KIAA0825: variants seen among roughly 807,000 people sequenced by gnomAD.
KIAA0825 encodes the protein KIAA0825.
In KIAA0825, 119 loss-of-function variants were observed where a neutral mutation model predicts 147.6. The observed-to-expected ratio is 0.81, with a 90% confidence interval of 0.69 to 0.94. KIAA0825 has a LOEUF of 0.94. Ranked by LOEUF, KIAA0825 falls within the 40% of genes least tolerant of loss-of-function variation. The probability of loss-of-function intolerance (pLI) is 0.00; values close to 1 mark genes in which losing one functional copy is unlikely to be tolerated. For synonymous variants in KIAA0825, 470 were observed against 518.1 expected (o/e 0.91, Z 1.26); for missense variants, 1,381 against 1,472.7 (o/e 0.94, Z 1.02).
At chr5:94,427,664 C>G (rs939213309) in intron 14 of KIAA0825, among the ~76,000 whole-genome samples, 1 of 152,174 alleles carries the variant, frequency 6.6e-6, no homozygotes, top group African/African-American at 2.4e-5. Flanking sequence ...TTTATAAAGG[C>G]AACTTTTAAA....
intron 20 of KIAA0825, among the ~76,000 whole-genome samples, chr5:94,337,511 A>G (rs1178245531): frequency 6.6e-6 from 1 of 152,196 alleles, no homozygotes; most frequent in Admixed American, 6.5e-5. Context: ...GAGCTTATCA[A>G]GTTAGTTCTG....
At chr5:94,494,472 C>T (rs1164205576) in intron 5 of KIAA0825, among the ~76,000 whole-genome samples, 1 of 152,024 alleles carries the variant, frequency 6.6e-6, no homozygotes, top group Non-Finnish European at 1.5e-5. Context: ...GGGCAAATTT[C>T]TGAATATTTT....
chr5:94,366,447 C>A (rs1745869782), intron 20 of KIAA0825, among the ~76,000 whole-genome samples: 1 of 152,116 alleles, frequency 6.6e-6, no homozygotes, highest in Admixed American at 6.5e-5. Flanking sequence ...GTCCTCCTCA[C>A]CCACGTCCTC....
intron 1 of KIAA0825, chr5:94,593,682 T>G (rs1427834911): frequency 1.7e-5 from 7 of 403,576 alleles, no homozygotes; most frequent in Non-Finnish European, 3.3e-5. Context: ...CATGTCTGAT[T>G]AAAAGAGTTG....
intron 15 of KIAA0825, among the ~76,000 whole-genome samples, chr5:94,405,772 G>T (rs1401263539): frequency 6.6e-6 from 1 of 152,008 alleles, no homozygotes; most frequent in Non-Finnish European, 1.5e-5. Flanking sequence ...TCAAGCAGTG[G>T]TATACACAGG....
At chr5:94,513,158 A>C (rs926800720) in intron 5 of KIAA0825, among the ~76,000 whole-genome samples, 7 of 152,252 alleles carry the variant, frequency 4.6e-5, no homozygotes, top group African/African-American at 1.7e-4. Flanking sequence ...TTTTTTCAAT[A>C]ATTTTCATTT....
intron 1 of KIAA0825, among the ~76,000 whole-genome samples, chr5:94,604,560 AAAACAAAC>A (rs368530098): frequency 0.013 from 2,036 of 151,958 alleles, 35 homozygotes; most frequent in African/African-American, 0.042. Context: ...CTCCATCTCA[AAAACAAAC>A]AAACAAACAA....
At chr5:94,271,654 G>A (rs1210946653) in intron 20 of KIAA0825, among the ~76,000 whole-genome samples, 1 of 152,078 alleles carries the variant, frequency 6.6e-6, no homozygotes, top group African/African-American at 2.4e-5. Flanking sequence ...AGGCTGAGGC[G>A]GGAGAATCGT....
intron 5 of KIAA0825, among the ~76,000 whole-genome samples, chr5:94,485,576 T>A (rs1762955796): frequency 6.6e-6 from 1 of 151,648 alleles, no homozygotes; most frequent in Admixed American, 6.6e-5. Context: ...CTGAAATACA[T>A]AAGAGTGTCT....
intron 2 of KIAA0825, among the ~76,000 whole-genome samples, chr5:94,560,570 T>C (rs1206290990): frequency 6.6e-6 from 1 of 152,234 alleles, no homozygotes; most frequent in African/African-American, 2.4e-5. Flanking sequence ...AGGCCATATG[T>C]GTCCACAAAT....
At chr5:94,195,759 A>C (rs141739324) in intron 20 of KIAA0825, among the ~76,000 whole-genome samples, 45 of 152,312 alleles carry the variant, frequency 3.0e-4, no homozygotes, top group African/African-American at 1.0e-3. Flanking sequence ...TAAAATTAAC[A>C]TTTGAAAGAA....
intron 15 of KIAA0825, among the ~76,000 whole-genome samples, chr5:94,405,873 C>A (rs553624461): frequency 6.6e-6 from 1 of 152,098 alleles, no homozygotes; most frequent in Non-Finnish European, 1.5e-5. Flanking sequence ...AGTTAGCACC[C>A]AAGCTTCTGA....
intron 20 of KIAA0825, among the ~76,000 whole-genome samples, chr5:94,347,711 T>G (rs1783176300): frequency 6.6e-6 from 1 of 152,148 alleles, no homozygotes; most frequent in Non-Finnish European, 1.5e-5. Context: ...AAACCAACTC[T>G]GGTAATATGA....
At chr5:94,500,830 T>G (rs910735510) in intron 5 of KIAA0825, among the ~76,000 whole-genome samples, 1 of 152,216 alleles carries the variant, frequency 6.6e-6, no homozygotes, top group African/African-American at 2.4e-5. Flanking sequence ...CAGGCTGTAG[T>G]GCAATGGCTC....
chr5:94,329,031 G>A (rs1336439531), intron 20 of KIAA0825, among the ~76,000 whole-genome samples: 1 of 151,876 alleles, frequency 6.6e-6, no homozygotes, highest in East Asian at 1.9e-4. Context: ...AACTTCCTGA[G>A]ACCACACCAA....
chr5:94,224,857 CA>C (rs1473144891), intron 20 of KIAA0825, among the ~76,000 whole-genome samples: 6 of 152,096 alleles, frequency 3.9e-5, no homozygotes. Context: ...TTTCAAAAAG[CA>C]GCTTCTTTCT....
rs1358139221 is a variant in KIAA0825, at chr5:94,608,490, T to A, written c.-153+10010A>T. Among the ~76,000 whole-genome samples, 6 of 15,266 alleles carry A rather than the reference T, an allele frequency of 3.9e-4. 2 individuals are homozygous for A. Among genetic ancestry groups the A allele is most frequent in the Non-Finnish European group, 5.8e-4 (5 of 8,678 alleles). 10.0% of individuals were successfully genotyped at this position (15,266 alleles called of 152,430 possible). ...TATATATATAATATATATATATATA[T>A]AATTATATATATATATATTTTTTTT... On this transcript the variant is annotated intron_variant, in intron 1 of 20. Transcript: ENST00000682413.
intron 2 of KIAA0825, among the ~76,000 whole-genome samples, chr5:94,581,701 A>G (rs1452192343): frequency 2.0e-5 from 3 of 152,180 alleles, no homozygotes; most frequent in African/African-American, 7.2e-5. Flanking sequence ...TTTAAAAAAT[A>G]TCTTTGAATT....
chr5:94,388,435 GT>G (rs1029595673), intron 18 of KIAA0825, among the ~76,000 whole-genome samples: 2 of 152,110 alleles, frequency 1.3e-5, no homozygotes, highest in African/African-American at 4.8e-5. Flanking sequence ...ACTAAACATT[GT>G]TAATGATAAA....
Sources: gnomAD v4.1 joint callset for allele counts (sites outside exome capture counted in the v4.1 genomes callset) on GRCh38, gnomAD v4.1.1 for gene constraint, MANE v1.5 for transcripts, NCBI Gene and HGNC (gene_info 2026-07-23, HGNC 2026-07-21) for gene names.